The following SCARA3 variants were observed in gnomAD, a reference collection of about 807,000 sequenced individuals.
The protein encoded by SCARA3 is cellular stress response gene protein.
Under a neutral mutation model 47.0 loss-of-function variants are expected in SCARA3, and 39 were observed. The observed-to-expected ratio is 0.83, with a 90% CI of 0.64 to 1.08. SCARA3 has a LOEUF of 1.08. Ranked by LOEUF, SCARA3 falls within the 50% of genes least tolerant of loss-of-function variation. The pLI is 0.00. For missense variants in SCARA3, 724 were observed against 792.3 expected (o/e 0.91, Z 1.04); for synonymous variants, 356 against 334.1 (o/e 1.07, Z -0.71).
At chr8:27,655,220 G>A (rs1460434933) in intron 3 of SCARA3, among the ~76,000 whole-genome samples, 2 of 152,108 alleles carry the variant, frequency 1.3e-5, no homozygotes, top group African/African-American at 4.8e-5. Context: ...TGATTGAACT[G>A]AGCTCAAGAA....
At chr8:27,653,393 G>T (rs1027905040) in intron 3 of SCARA3, among the ~76,000 whole-genome samples, 1 of 152,214 alleles carries the variant, frequency 6.6e-6, no homozygotes, top group Non-Finnish European at 1.5e-5. Context: ...CAGAGGATCA[G>T]AACAACCTGG....
chr8:27,651,450 C>T (rs1801628811), intron 2 of SCARA3, 58 bp from the exon 3 acceptor site: 2 of 1,586,060 alleles, frequency 1.3e-6, no homozygotes, highest in Admixed American at 1.7e-5. Context: ...GGAACTGACC[C>T]TTCAGCTCCA....
chr8:27,701,744 C>T, the SCARA3 span: 1 of 151,514 alleles, frequency 6.6e-6, no homozygotes, highest in East Asian at 2.1e-4. Context: ...CCTCCCATGC[C>T]TGTGCACCCT....
intron 1 of SCARA3, among the ~76,000 whole-genome samples, chr8:27,636,157 G>A (rs1801245066): frequency 1.3e-5 from 2 of 152,214 alleles, no homozygotes; most frequent in African/African-American, 4.8e-5. Context: ...GCCCAGGGCA[G>A]ACCATTACTG....
At chr8:27,690,208 T>C in the SCARA3 span, among the ~76,000 whole-genome samples, 1 of 152,170 alleles carries the variant, frequency 6.6e-6, no homozygotes, top group Non-Finnish European at 1.5e-5. Flanking sequence ...AGCGTATATC[T>C]TGGTATCTCT....
At chr8:27,701,872 G>A in the SCARA3 span, 1 of 154,306 alleles carries the variant, frequency 6.5e-6, no homozygotes, top group Non-Finnish European at 1.5e-5. Context: ...TGGGCTTCCT[G>A]AGCTAAGGGA....
the SCARA3 span, among the ~76,000 whole-genome samples, chr8:27,722,510 C>G: frequency 2.0e-5 from 3 of 152,180 alleles, no homozygotes; most frequent in Admixed American, 1.3e-4. Flanking sequence ...AACCCTCGTG[C>G]CTCCATCCAT....
Position 27,658,870 on chromosome 8 carries a change from A to T in SCARA3, c.700A>T (p.Ile234Phe). 1.9e-6 allele frequency: 3 copies of T among 1,614,124 alleles called. No homozygotes were observed. Among genetic ancestry groups the T allele is most frequent in the Non-Finnish European group, 2.5e-6 (3 of 1,180,034 alleles). ...CACCGTGGGGCAGACTTCCGAGTGGATCCACGGGATCCAGCGGAAGACAGA... is the reference window on the plus strand; with the variant it reads ...CACCGTGGGGCAGACTTCCGAGTGGTTCCACGGGATCCAGCGGAAGACAGA... The part of the protein sequence containing the change: ...NFTVGQTSEW[I>F]HGIQRKTDEE... Residue 234 changes from isoleucine (I) to phenylalanine (F), a missense_variant, in exon 5 of 6, where the codon ATC (isoleucine) becomes TTC (phenylalanine). Physicochemically the swap from Ile to Phe is conservative, Grantham distance 21. Coordinates refer to ENST00000301904, the MANE Select transcript of SCARA3 (RefSeq NM_016240.3).
intron 1 of SCARA3, among the ~76,000 whole-genome samples, chr8:27,646,992 C>T (rs1036640192): frequency 1.6e-5 from 2 of 127,090 alleles, no homozygotes; most frequent in Non-Finnish European, 3.3e-5. Flanking sequence ...CGCACACACA[C>T]ACTATTGCCC....
intron 1 of SCARA3, among the ~76,000 whole-genome samples, chr8:27,646,207 A>AC: frequency 6.6e-6 from 1 of 152,148 alleles, no homozygotes; most frequent in African/African-American, 2.4e-5. Flanking sequence ...AGATGGCCAA[A>AC]CACCCGTGGT....
downstream of SCARA3, among the ~76,000 whole-genome samples, chr8:27,678,026 T>C (rs1324495337): frequency 6.6e-6 from 1 of 152,098 alleles, no homozygotes; most frequent in Non-Finnish European, 1.5e-5. Context: ...CATATGAAAT[T>C]TGTGTGATAC....
intron 2 of SCARA3, among the ~76,000 whole-genome samples, chr8:27,650,993 G>A (rs1316715662): frequency 4.6e-5 from 7 of 152,142 alleles, no homozygotes; most frequent in African/African-American, 1.7e-4. Context: ...CTCAAGTGCT[G>A]GGATTACAGG....
At chr8:27,708,211 T>G in the SCARA3 span, among the ~76,000 whole-genome samples, 4 of 152,234 alleles carry the variant, frequency 2.6e-5, no homozygotes, top group South Asian at 8.3e-4. Flanking sequence ...AGGAAAAACA[T>G]AGGTTGATAA....
chr8:27,651,770 A>G (rs1394082452), intron 3 of SCARA3, 143 bp downstream of exon 3: 1 of 1,171,020 alleles, frequency 8.5e-7, no homozygotes, highest in East Asian at 2.5e-5. Context: ...GGGGATCTCT[A>G]TGCCTAATGC....
the SCARA3 span, among the ~76,000 whole-genome samples, chr8:27,722,284 A>G: frequency 5.0e-4 from 76 of 152,260 alleles, no homozygotes; most frequent in African/African-American, 1.7e-3. Context: ...CAAATGGACT[A>G]ACTGTCCTTT....
chr8:27,728,938 G>T, the SCARA3 span, among the ~76,000 whole-genome samples: 1 of 152,316 alleles, frequency 6.6e-6, no homozygotes, highest in East Asian at 1.9e-4. Context: ...ATGGTGGCAT[G>T]TGCCTTTAGT....
chr8:27,637,841 G>A (rs1204087468), intron 1 of SCARA3, among the ~76,000 whole-genome samples: 3 of 152,146 alleles, frequency 2.0e-5, no homozygotes, highest in African/African-American at 7.2e-5. Context: ...TCCTCTGGCC[G>A]AGAGGAGAGG....
the SCARA3 span, among the ~76,000 whole-genome samples, chr8:27,716,538 C>A: frequency 6.6e-6 from 1 of 152,104 alleles, no homozygotes; most frequent in East Asian, 1.9e-4. Context: ...ATCAAAAATT[C>A]ATTGGATGAA....
At chr8:27,680,715 G>A (rs993695976), downstream of SCARA3, among the ~76,000 whole-genome samples, 1 of 152,024 alleles carries the variant, frequency 6.6e-6, no homozygotes, top group Non-Finnish European at 1.5e-5. Flanking sequence ...TAATCCTCAG[G>A]AATATAAATG....
Sources: gnomAD v4.1 joint callset for allele counts (sites outside exome capture counted in the v4.1 genomes callset) on GRCh38, gnomAD v4.1.1 for gene constraint, MANE v1.5 for transcripts, NCBI Gene and HGNC (gene_info 2026-07-23, HGNC 2026-07-21) for gene names.